The following GAK variants were observed in gnomAD, a reference collection of about 807,000 sequenced individuals.
GAK encodes the protein cyclin-G-associated kinase.
Under a neutral mutation model 143.9 loss-of-function variants are expected in GAK, and 79 were observed. The observed-to-expected ratio is 0.55, with a 90% confidence interval of 0.46 to 0.66. The LOEUF is 0.66. Ranked by LOEUF, GAK falls within the 30% of genes least tolerant of loss-of-function variation. The pLI, the probability that GAK is intolerant of heterozygous loss-of-function variation, is 0.00. For missense variants in GAK, 1,693 were observed against 1,779.7 expected, an observed-to-expected ratio of 0.95 and a Z score of 0.88; for synonymous variants, 881 against 765.5, an observed-to-expected ratio of 1.15 and a Z score of -2.49.
At chr4:849,831 A>AGGGGGGGGGGGGGGGG in intron 27 of GAK, 57 bp from the exon 28 acceptor site, 1 of 999,060 alleles carries the variant, frequency 1.0e-6, no homozygotes, top group Non-Finnish European at 1.4e-6. Flanking sequence ...CGGGCGGGGC[A>AGGGGGGGGGGGGGGGG]GGACCCCCCC....
At position 870,834 on chromosome 4, in the gene GAK, C is replaced by A. The variant is rs764189522; in HGVS notation, c.2125G>T (p.Val709Leu). ...CGGCTCGGCCTGTCCCTGGGCTCCA[C>A]CTCCACTTCCAGGTTCACTTGAAAT... ...DLFQVNLEVE[V>L]EPRDRPSREA... Residue 709 changes from valine to leucine, a missense_variant, in exon 19 of 28, where the codon GTG (valine) becomes TTG (leucine). By Grantham distance (32) the Val-to-Leu change is conservative (BLOSUM62 1). Around this residue, in one of 2 missense-constraint regions of GAK, gnomAD observed 871 missense variants for 991.0 expected, o/e 0.88. Transcript: ENST00000314167. 2 of 1,613,976 alleles carry A rather than the reference C, an allele frequency of 1.2e-6. No homozygotes were observed. Among genetic ancestry groups the A allele is most frequent in the African/African-American group, 2.7e-5 (2 of 74,950 alleles).
intron 9 of GAK, among the ~76,000 whole-genome samples, 191 bp from the exon 10 acceptor site, chr4:890,813 T>A (rs1395963374): frequency 1.3e-5 from 2 of 152,114 alleles, no homozygotes; most frequent in African/African-American, 4.8e-5. Context: ...GCAGCCCTCA[T>A]CCCCTCACCC....
intron 1 of GAK, among the ~76,000 whole-genome samples, chr4:915,303 C>T (rs1722946511): frequency 6.6e-6 from 1 of 152,222 alleles, no homozygotes; most frequent in African/African-American, 2.4e-5. Context: ...CAGAGACAGA[C>T]AGGAATAACC....
intron 21 of GAK, 138 bp from the exon 22 acceptor site, chr4:866,672 T>C: frequency 1.1e-6 from 1 of 934,106 alleles, no homozygotes. Context: ...GCAGGGGCAC[T>C]GAGGCAGTCA....
At chr4:856,505 C>T (rs939786272) in intron 24 of GAK, among the ~76,000 whole-genome samples, 1 of 148,924 alleles carries the variant, frequency 6.7e-6, no homozygotes, top group Admixed American at 6.6e-5. Context: ...CTACTCACCA[C>T]CACAGCTGCT....
rs542038605 is a variant in GAK, at chr4:849,428, G to A, written c.*245C>T. On this transcript the variant is annotated 3_prime_UTR_variant, in exon 28 of 28. Coordinates refer to ENST00000314167, the MANE Select transcript of GAK (RefSeq NM_005255.4). ...CCGAAACACCAAATAAATCACAGAC[G>A]TGACAATTGCGGGAGGAGCATGAAT... The A allele has an allele frequency of 2.6e-4, 143 of 553,462 alleles. 1 individual carries two copies. Among genetic ancestry groups the A allele is most frequent in the Non-Finnish European group, 4.2e-4 (128 of 307,372 alleles). 34.3% of individuals were successfully genotyped at this position (553,462 alleles called of 1,614,324 possible).
In GAK at chr4:898,091, A is replaced by C. The variant is rs1719153831; in HGVS notation, c.593T>G (p.Ile198Ser). 1 of 1,614,024 alleles carries C rather than the reference A, an allele frequency of 6.2e-7. No homozygotes were observed. Among genetic ancestry groups the C allele is most frequent in the African/African-American group, 1.3e-5 (1 of 74,938 alleles). Residue 198 changes from isoleucine (I) to serine (S), a missense_variant, in exon 6 of 28, where the codon ATC (isoleucine) becomes AGC (serine). Physicochemically the swap from Ile to Ser is moderately radical, Grantham distance 142 (BLOSUM62 -2). This residue lies in a region of GAK where 871 missense variants were observed against 991.0 expected (regional missense o/e 0.88). Coordinates refer to ENST00000314167, the MANE Select transcript of GAK (RefSeq NM_005255.4). ...KLCDFGSATT[I>S]SHYPDYSWSA... ...CCAGCTGTAGTCAGGGTAGTGCGAG[A>C]TGGTCGTGGCACTGCCAAAGTCACA... is the stretch of plus-strand genomic sequence containing the variant.
chr4:912,344 G>T (rs866715021), intron 3 of GAK: 25 of 364,644 alleles, frequency 6.9e-5, no homozygotes, highest in South Asian at 3.2e-4. Flanking sequence ...CGAGAGGGGC[G>T]GCTGAGAAGC....
intron 18 of GAK, among the ~76,000 whole-genome samples, chr4:874,971 C>G (rs1713536210): frequency 6.6e-6 from 1 of 152,206 alleles, no homozygotes; most frequent in Non-Finnish European, 1.5e-5. Flanking sequence ...TAATCATGTA[C>G]TGAAGCCTTC....
chr4:882,460 G>A (rs1715332987), intron 14 of GAK, among the ~76,000 whole-genome samples: 1 of 152,140 alleles, frequency 6.6e-6, no homozygotes, highest in Non-Finnish European at 1.5e-5. Context: ...ACAGCGGAGT[G>A]GCCTCCACAC....
intron 24 of GAK, 198 bp downstream of exon 24, chr4:859,408 C>A (rs73062402): frequency 2.0e-6 from 3 of 1,528,812 alleles, no homozygotes; most frequent in Non-Finnish European, 2.6e-6. Flanking sequence ...CAGCAACTCC[C>A]GGTTTTAGCT....
intron 22 of GAK, among the ~76,000 whole-genome samples, chr4:865,485 A>G (rs1249883507): frequency 1.1e-5 from 1 of 91,878 alleles, no homozygotes; most frequent in East Asian, 4.6e-4. Flanking sequence ...CCAGGCTGAG[A>G]ACAAGCATCT....
At chr4:914,211 GC>G (rs1722581362) in intron 1 of GAK, among the ~76,000 whole-genome samples, 3 of 54,582 alleles carry the variant, frequency 5.5e-5, no homozygotes, top group Non-Finnish European at 6.4e-5. Flanking sequence ...AGCGTGCACA[GC>G]CCCCACACAC....
At chr4:913,117 A>G (rs115368685) in intron 2 of GAK, among the ~76,000 whole-genome samples, 5,280 of 152,204 alleles carry the variant, frequency 0.035, 314 homozygotes, top group African/African-American at 0.12. Flanking sequence ...GCAGACCACG[A>G]CAACAGGCCC....
intron 9 of GAK, among the ~76,000 whole-genome samples, chr4:891,221 A>G (rs994096317): frequency 2.6e-5 from 4 of 151,428 alleles, no homozygotes; most frequent in African/African-American, 7.3e-5. Context: ...TCGGCTTCCC[A>G]AAGTGCTAGG....
rs1467687111 is a variant in GAK, at chr4:912,633, A to T, written c.267+102T>A. ...AAGCCGATTTTAACACATGAAAGACAACGTCACGGAGCAGCCTCTTGGCCA... is the reference window on the plus strand; with the variant it reads ...AAGCCGATTTTAACACATGAAAGACTACGTCACGGAGCAGCCTCTTGGCCA... On this transcript the variant is annotated intron_variant, in intron 3 of 27. Transcript: ENST00000314167. 4.6e-6 allele frequency: 4 copies of T among 860,988 alleles called. No individual in the cohort carries two copies. The East Asian group carries it at 9.9e-5, about 21-fold the overall frequency. 53.3% of individuals were successfully genotyped at this position (860,988 alleles called of 1,614,324 possible). A position where few individuals can be genotyped will look rare whatever the true frequency, so the allele number is the denominator to read the frequency against.
chr4:868,394 C>T, intron 20 of GAK, 145 bp downstream of exon 20: 1 of 686,010 alleles, frequency 1.5e-6, no homozygotes. Flanking sequence ...AAAGAACAGG[C>T]TGACATGCCG....
chr4:891,821 C>G (rs560030370), intron 9 of GAK, among the ~76,000 whole-genome samples: 3 of 152,168 alleles, frequency 2.0e-5, no homozygotes, highest in African/African-American at 7.2e-5. Context: ...AAGAGCAGGA[C>G]GGCCCAGGAG....
intron 5 of GAK, among the ~76,000 whole-genome samples, chr4:904,421 G>A (rs1299968293): frequency 6.6e-6 from 1 of 151,280 alleles, no homozygotes; most frequent in Non-Finnish European, 1.5e-5. Flanking sequence ...GTGGATGATG[G>A]GCGGCTCCTA....
Sources: allele counts gnomAD v4.1 joint callset (sites outside exome capture counted in the v4.1 genomes callset), GRCh38; gene constraint gnomAD v4.1.1; regional missense constraint gnomAD v4.1.1; transcripts MANE v1.5; gene names NCBI Gene and HGNC (gene_info 2026-07-23, HGNC 2026-07-21).